DLG2: variants seen among roughly 807,000 people sequenced by gnomAD.
DLG2 encodes the protein discs large MAGUK scaffold protein 2.
DLG2 carries 45 observed loss-of-function variants against 132.5 expected under a neutral mutation model. The observed-to-expected ratio is 0.34, with a 90% CI of 0.27 to 0.44. The LOEUF (loss-of-function observed/expected upper bound fraction) is 0.44, where lower values mean the gene tolerates loss of function less well. Among genes scored for constraint, DLG2 ranks in the 20% least tolerant of loss-of-function variants. The probability of loss-of-function intolerance (pLI) is 1.00; values close to 1 mark genes in which losing one functional copy is unlikely to be tolerated. For synonymous variants in DLG2, 424 were observed against 419.6 expected (o/e 1.01, Z -0.13); for missense variants, 1,045 against 1,196.9 (o/e 0.87, Z 1.87).
intron 7 of DLG2, among the ~76,000 whole-genome samples, chr11:84,334,401 C>T (rs1164583293): frequency 2.0e-5 from 3 of 152,162 alleles, no homozygotes; most frequent in Non-Finnish European, 4.4e-5. Context: ...GCCATCCTTA[C>T]CCACTAGCAG....
intron 6 of DLG2, among the ~76,000 whole-genome samples, chr11:84,577,588 G>A (rs1003777609): frequency 2.6e-5 from 4 of 152,136 alleles, no homozygotes; most frequent in Non-Finnish European, 5.9e-5. Context: ...TGAGAGAGAT[G>A]ATTTAGGGTA....
chr11:84,449,997 T>C (rs1291755228), intron 7 of DLG2, among the ~76,000 whole-genome samples: 1 of 151,924 alleles, frequency 6.6e-6, no homozygotes, highest in Non-Finnish European at 1.5e-5. Flanking sequence ...TACCATCTTA[T>C]GTATATCATA....
At chr11:83,681,521 C>A (rs983801100) in intron 18 of DLG2, among the ~76,000 whole-genome samples, 2 of 152,174 alleles carry the variant, frequency 1.3e-5, no homozygotes, top group Non-Finnish European at 2.9e-5. Context: ...CCATAACGAT[C>A]TAGTCTTTTC....
chr11:85,132,905 C>A lies in DLG2; in HGVS notation c.283-21170G>T, dbSNP rs977058908. 6.6e-6 allele frequency: 3 copies of A among 453,312 alleles called. No individual in the cohort carries two copies. The East Asian group carries it at 2.1e-4, about 32-fold the overall frequency. The allele number at this position is 453,312 out of a possible 1,614,324, so 28.1% of individuals were successfully genotyped here. On this transcript the variant is annotated intron_variant, in intron 5 of 27. Coordinates refer to ENST00000376104, the MANE Select transcript of DLG2 (RefSeq NM_001142699.3). The stretch of plus-strand genomic sequence containing the variant: ...CACAGAAAGAAGCAGAGCTTGGATT[C>A]TGTACAGACGGCTTTTCCAAGGGGG...
intron 6 of DLG2, among the ~76,000 whole-genome samples, chr11:84,978,802 A>G (rs1252981708): frequency 6.6e-6 from 1 of 152,240 alleles, no homozygotes; most frequent in East Asian, 1.9e-4. Context: ...ACAAAAGCCA[A>G]AATTGACAAA....
At chr11:84,971,852 T>C (rs1481097630) in intron 6 of DLG2, among the ~76,000 whole-genome samples, 3 of 152,026 alleles carry the variant, frequency 2.0e-5, no homozygotes, top group Non-Finnish European at 4.4e-5. Context: ...TGTGATAAAA[T>C]GTAGGCGAGA....
At chr11:85,308,551 GCAGCTGAAGCT>G (rs1205245257) in intron 3 of DLG2, among the ~76,000 whole-genome samples, 29 of 152,148 alleles carry the variant, frequency 1.9e-4, no homozygotes, top group Admixed American at 1.9e-3. Context: ...CCCCTCTCTT[GCAGCTGAAGCT>G]CTTACCGAAT....
chr11:84,743,888 C>T (rs2065016088), intron 6 of DLG2, among the ~76,000 whole-genome samples: 2 of 152,058 alleles, frequency 1.3e-5, no homozygotes, highest in East Asian at 1.9e-4. Flanking sequence ...CTGCGCCTGG[C>T]TAATTTTTTG....
intron 7 of DLG2, among the ~76,000 whole-genome samples, chr11:84,478,598 T>G (rs556837477): frequency 6.6e-6 from 1 of 152,162 alleles, no homozygotes; most frequent in African/African-American, 2.4e-5. Flanking sequence ...TCCCTGAGAG[T>G]AGAACTTCTG....
At position 83,843,361 on chromosome 11, in the gene DLG2, C is replaced by G. The variant is rs115996413; in HGVS notation, c.1566-9591G>C. Among the ~76,000 whole-genome samples the G allele has an allele frequency of 5.9e-3, 902 of 152,326 alleles. 8 individuals are homozygous for G. The highest frequency in any genetic ancestry group is 0.018 in the African/African-American group (759 of 41,560). On this transcript the variant is annotated intron_variant, in intron 16 of 27. Transcript: ENST00000376104. ...GAGGCCAGGTACAATCTCCTCTCTG[C>G]TGTCCCCTCTACCCTCACCTCCAGA...
At chr11:83,931,411 T>C (rs957034054) in intron 14 of DLG2, among the ~76,000 whole-genome samples, 3 of 152,218 alleles carry the variant, frequency 2.0e-5, no homozygotes, top group African/African-American at 7.2e-5. Flanking sequence ...TGTTTCTGCC[T>C]GGGAGGGCTG....
At chr11:83,513,093 T>G (rs939423591) in intron 21 of DLG2, among the ~76,000 whole-genome samples, 3 of 152,262 alleles carry the variant, frequency 2.0e-5, no homozygotes, top group African/African-American at 7.2e-5. Context: ...TCTAGATCCC[T>G]GAGGAATAGC....
At chr11:83,970,662 C>T (rs1371985469) in intron 12 of DLG2, among the ~76,000 whole-genome samples, 1 of 152,144 alleles carries the variant, frequency 6.6e-6, no homozygotes, top group Non-Finnish European at 1.5e-5. Context: ...ATCTGCAAAA[C>T]AGGAATGATA....
At chr11:85,041,969 T>C (rs1391643547) in intron 6 of DLG2, among the ~76,000 whole-genome samples, 1 of 151,800 alleles carries the variant, frequency 6.6e-6, no homozygotes, top group Admixed American at 6.6e-5. Context: ...AAAAATTACC[T>C]ATTGGGTACA....
chr11:85,561,828 G>T (rs2077267152), intron 3 of DLG2, among the ~76,000 whole-genome samples: 1 of 151,778 alleles, frequency 6.6e-6, no homozygotes. Context: ...GCAACAATTT[G>T]ATTGAACACT....
chr11:84,770,563 G>C lies in DLG2; in HGVS notation c.358-235832C>G, dbSNP rs577923744. On this transcript the variant is annotated intron_variant, in intron 6 of 27. Transcript: ENST00000376104. ...TTTAAGTGAGAGCATGCAGTATTTG[G>C]TTTTCTATTCCTGCATCAATTTGTG... 5.3e-5 allele frequency among the ~76,000 whole-genome samples: 8 copies of C among 151,620 alleles called. No homozygotes were observed. The East Asian group carries it at 7.8e-4, about 15-fold the overall frequency.
chr11:83,841,401 A>C lies in DLG2; in HGVS notation c.1566-7631T>G, dbSNP rs192323626. Among the ~76,000 whole-genome samples, 531 of 152,266 alleles carry C rather than the reference A, an allele frequency of 3.5e-3. 1 individual carries two copies. Among genetic ancestry groups the C allele is most frequent in the Middle Eastern group, 0.01 (3 of 294 alleles). On this transcript the variant is annotated intron_variant, in intron 16 of 27. Transcript: ENST00000376104. ...ACAGTGGAACAAAATTCTATCTCTC[A>C]TTTCTCATTCTGAAATTAGCTCAGG... is the stretch of plus-strand genomic sequence containing the variant.
At chr11:83,684,882 C>T (rs928677183) in intron 18 of DLG2, among the ~76,000 whole-genome samples, 2 of 151,960 alleles carry the variant, frequency 1.3e-5, no homozygotes, top group African/African-American at 4.8e-5. Context: ...TTCTCTGTTC[C>T]CCTGTCACGA....
chr11:84,301,182 G>A (rs977877435), intron 7 of DLG2, among the ~76,000 whole-genome samples: 1 of 152,084 alleles, frequency 6.6e-6, no homozygotes, highest in Non-Finnish European at 1.5e-5. Flanking sequence ...CTTAAAGAAA[G>A]GTAACCTACA....
Sources: allele counts gnomAD v4.1 joint callset (sites outside exome capture counted in the v4.1 genomes callset), GRCh38; gene constraint gnomAD v4.1.1; transcripts MANE v1.5; gene names NCBI Gene and HGNC (gene_info 2026-07-23, HGNC 2026-07-21).